DRC11: variants seen among roughly 807,000 people sequenced by gnomAD.
DRC11 encodes the protein IQ and AAA domain-containing protein 1.
At chr2:236,358,041 T>C in the DRC11 span, among the ~76,000 whole-genome samples, 9 of 119,216 alleles carry the variant, frequency 7.5e-5, no homozygotes, top group East Asian at 2.3e-3. Flanking sequence ...TATATATTTA[T>C]AATATATAGA....
the DRC11 span, among the ~76,000 whole-genome samples, chr2:236,492,995 T>C: frequency 2.0e-5 from 3 of 152,234 alleles, no homozygotes; most frequent in African/African-American, 7.2e-5. Flanking sequence ...ACTCAATGTA[T>C]TAGTCCGTTT....
chr2:236,445,726 C>A, the DRC11 span, among the ~76,000 whole-genome samples: 2 of 151,892 alleles, frequency 1.3e-5, no homozygotes, highest in African/African-American at 4.8e-5. The surrounding 1 kb of genome is among the most constrained non-coding windows in gnomAD (Gnocchi z 4.8). Context: ...TTAGTCTTAT[C>A]CTTAAAGAAT....
chr2:236,322,229 CTTTTTTTTT>C, the DRC11 span, among the ~76,000 whole-genome samples: 7 of 98,534 alleles, frequency 7.1e-5, no homozygotes, highest in East Asian at 2.8e-4. Flanking sequence ...TTTCTTTCCT[CTTTTTTTTT>C]TTTTTTTTTT....
At chr2:236,466,852 T>C in the DRC11 span, among the ~76,000 whole-genome samples, 1 of 152,188 alleles carries the variant, frequency 6.6e-6, no homozygotes, top group Non-Finnish European at 1.5e-5. Flanking sequence ...TTCTTCTTTT[T>C]TGTATTCAGT....
the DRC11 span, chr2:236,493,692 C>T: frequency 8.4e-7 from 1 of 1,184,548 alleles, no homozygotes; most frequent in Non-Finnish European, 1.2e-6. Flanking sequence ...CTAAGTGTTG[C>T]TCACACAATT....
At chr2:236,315,052 A>G in the DRC11 span, among the ~76,000 whole-genome samples, 1 of 152,230 alleles carries the variant, frequency 6.6e-6, no homozygotes, top group African/African-American at 2.4e-5. This position sits in a 1 kb window ranked among gnomAD's most constrained non-coding sequence, Gnocchi z 5.1. Flanking sequence ...TTGTAAAGCT[A>G]CAGTGCTCAA....
the DRC11 span, among the ~76,000 whole-genome samples, chr2:236,372,277 A>C: frequency 6.6e-6 from 1 of 152,202 alleles, no homozygotes; most frequent in Non-Finnish European, 1.5e-5. This position sits in a 1 kb window ranked among gnomAD's most constrained non-coding sequence, Gnocchi z 4.5. Flanking sequence ...TGATTGCCGA[A>C]AAATATCAAA....
At chr2:236,429,305 A>G in the DRC11 span, among the ~76,000 whole-genome samples, 1 of 152,202 alleles carries the variant, frequency 6.6e-6, no homozygotes, top group Non-Finnish European at 1.5e-5. The surrounding 1 kb of genome is among the most constrained non-coding windows in gnomAD (Gnocchi z 5.9). Context: ...ACTGGGGGCC[A>G]GCAGCTTGCA....
the DRC11 span, chr2:236,333,306 C>T: frequency 2.0e-5 from 3 of 152,260 alleles, no homozygotes; most frequent in Non-Finnish European, 2.9e-5. The surrounding 1 kb of genome is among the most constrained non-coding windows in gnomAD (Gnocchi z 6.0). Context: ...GTTTGTGTAG[C>T]GATGGATGGC....
chr2:236,406,471 A>G, the DRC11 span, among the ~76,000 whole-genome samples: 1 of 152,156 alleles, frequency 6.6e-6, no homozygotes, highest in East Asian at 1.9e-4. The surrounding 1 kb of genome is among the most constrained non-coding windows in gnomAD (Gnocchi z 4.7). Flanking sequence ...GAGGTTATAT[A>G]TTTTGAAATA....
the DRC11 span, among the ~76,000 whole-genome samples, chr2:236,451,040 C>T: frequency 6.6e-6 from 1 of 152,166 alleles, no homozygotes; most frequent in South Asian, 2.1e-4. Context: ...TTATTCAAGT[C>T]TTTTCTCATT....
the DRC11 span, chr2:236,332,330 A>G: frequency 6.6e-6 from 1 of 152,252 alleles, no homozygotes; most frequent in Non-Finnish European, 1.5e-5. This position sits in a 1 kb window ranked among gnomAD's most constrained non-coding sequence, Gnocchi z 5.1. Flanking sequence ...TTAGAGATGG[A>G]ATGAACTCCT....
At chr2:236,321,201 G>C in the DRC11 span, among the ~76,000 whole-genome samples, 9 of 151,906 alleles carry the variant, frequency 5.9e-5, no homozygotes, top group Non-Finnish European at 1.2e-4. Flanking sequence ...ACTATGTAAG[G>C]GCACTTATTA....
chr2:236,352,112 C>T, the DRC11 span, among the ~76,000 whole-genome samples: 4 of 152,144 alleles, frequency 2.6e-5, no homozygotes, highest in African/African-American at 7.2e-5. This position sits in a 1 kb window ranked among gnomAD's most constrained non-coding sequence, Gnocchi z 7.0. Flanking sequence ...GGAGGAGGTC[C>T]GGGCTGCCAA....
At chr2:236,344,808 G>A in the DRC11 span, among the ~76,000 whole-genome samples, 3 of 148,796 alleles carry the variant, frequency 2.0e-5, no homozygotes, top group Non-Finnish European at 4.5e-5. Flanking sequence ...CTTCCCTCTG[G>A]GGTGTGCAGA....
chr2:236,486,944 A>G, the DRC11 span: 1 of 1,440,002 alleles, frequency 6.9e-7, no homozygotes, highest in African/African-American at 1.4e-5. The surrounding 1 kb of genome is among the most constrained non-coding windows in gnomAD (Gnocchi z 5.7). Context: ...ATACAAATAT[A>G]AAGAAAACAT....
the DRC11 span, among the ~76,000 whole-genome samples, chr2:236,422,534 G>A: frequency 6.6e-6 from 1 of 152,110 alleles, no homozygotes; most frequent in African/African-American, 2.4e-5. Flanking sequence ...ACAAACCACT[G>A]CTCAATGAAA....
At chr2:236,375,479 G>C in the DRC11 span, among the ~76,000 whole-genome samples, 7 of 152,126 alleles carry the variant, frequency 4.6e-5, no homozygotes, top group African/African-American at 1.7e-4. The surrounding 1 kb of genome is among the most constrained non-coding windows in gnomAD (Gnocchi z 4.2). Flanking sequence ...CAAGGTACAG[G>C]AGAAAATTCT....
chr2:236,459,689 A>ATATACGTATATATGTATATACG, the DRC11 span, among the ~76,000 whole-genome samples: 1 of 129,088 alleles, frequency 7.7e-6, no homozygotes, highest in Admixed American at 7.7e-5. Context: ...ATGTATATAC[A>ATATACGTATATATGTATATACG]TATATACATA....
Sources: gnomAD v4.1 joint callset for allele counts (sites outside exome capture counted in the v4.1 genomes callset) on GRCh38, gnomAD v4.1.1 for gene constraint, Gnocchi (gnomAD v3.1) non-coding constraint, MANE v1.5 for transcripts, NCBI Gene and HGNC (gene_info 2026-07-23, HGNC 2026-07-21) for gene names.